Variants in HS6ST3 observed in about 807,000 individuals in gnomAD.
The protein encoded by HS6ST3 is heparan sulfate 6-O-sulfotransferase 3.
Under a neutral mutation model 36.7 loss-of-function variants are expected in HS6ST3, and 12 were observed. The observed-to-expected ratio is 0.33, with a 90% CI of 0.21 to 0.53. The LOEUF (loss-of-function observed/expected upper bound fraction) is 0.53, where lower values mean the gene tolerates loss of function less well. Among genes scored for constraint, HS6ST3 ranks in the 20% least tolerant of loss-of-function variants. HS6ST3 has a pLI of 0.95. For missense variants in HS6ST3, 584 were observed against 640.9 expected (o/e 0.91, Z 0.96); for synonymous variants, 240 against 257.5 (o/e 0.93, Z 0.65).
chr13:96,346,351 G>C (rs1371588341), intron 1 of HS6ST3, among the ~76,000 whole-genome samples: 1 of 152,110 alleles, frequency 6.6e-6, no homozygotes, highest in Non-Finnish European at 1.5e-5. Flanking sequence ...AAGGTGGGCG[G>C]ATCATGAGAT....
chr13:96,808,152 C>T (rs1170252596), intron 1 of HS6ST3, among the ~76,000 whole-genome samples: 2 of 152,100 alleles, frequency 1.3e-5, no homozygotes, highest in African/African-American at 4.8e-5. Context: ...GAGCCTTGGT[C>T]GGAAAAACAG....
In HS6ST3 at chr13:96,112,610, T is replaced by C. The variant is rs1322405595; in HGVS notation, c.707+21041T>C. Among the ~76,000 whole-genome samples the C allele has an allele frequency of 1.2e-3, 122 of 105,398 alleles. 4 individuals are homozygous for C. Among genetic ancestry groups the C allele is most frequent in the Non-Finnish European group, 1.7e-3 (85 of 49,398 alleles). 69.1% of individuals were successfully genotyped at this position (105,398 alleles called of 152,430 possible). A position where few individuals can be genotyped will look rare whatever the true frequency, so the allele number is the denominator to read the frequency against. ...ATATATATATATATATATATATATA[T>C]ATATATATATATGCCCGGCTGGTGG... On this transcript the variant is annotated intron_variant, in intron 1 of 1. Transcript: ENST00000376705.
intron 1 of HS6ST3, among the ~76,000 whole-genome samples, chr13:96,280,123 G>T (rs1189583453): frequency 2.0e-5 from 3 of 152,020 alleles, no homozygotes; most frequent in Non-Finnish European, 4.4e-5. Context: ...TCAACATAAA[G>T]CTTGCTTTGT....
chr13:96,336,505 T>C (rs528086873), intron 1 of HS6ST3, among the ~76,000 whole-genome samples: 1 of 152,276 alleles, frequency 6.6e-6, no homozygotes, highest in Non-Finnish European at 1.5e-5. Context: ...CAATCTAGTC[T>C]GATTGGTGTC....
chr13:96,625,984 C>T (rs2056510898), intron 1 of HS6ST3, among the ~76,000 whole-genome samples: 1 of 148,602 alleles, frequency 6.7e-6, no homozygotes, highest in Non-Finnish European at 1.5e-5. Context: ...CTACAGGCGC[C>T]TGCCACTACG....
intron 1 of HS6ST3, among the ~76,000 whole-genome samples, chr13:96,330,569 T>C (rs1188527301): frequency 1.3e-5 from 2 of 152,114 alleles, no homozygotes; most frequent in Non-Finnish European, 2.9e-5. Flanking sequence ...GTCTGATGGG[T>C]TTCCCTTTGA....
chr13:96,329,428 T>C (rs1166618141), intron 1 of HS6ST3, among the ~76,000 whole-genome samples: 2 of 142,726 alleles, frequency 1.4e-5, no homozygotes, highest in East Asian at 4.1e-4. Flanking sequence ...TCTGCCTTCA[T>C]TTCGTTATGT....
At chr13:96,803,445 T>TA (rs963538486) in intron 1 of HS6ST3, among the ~76,000 whole-genome samples, 1 of 152,190 alleles carries the variant, frequency 6.6e-6, no homozygotes, top group African/African-American at 2.4e-5. Context: ...ATTCCTAACT[T>TA]ACTACCAGGA....
chr13:96,761,145 C>T (rs551020343), intron 1 of HS6ST3, among the ~76,000 whole-genome samples: 2 of 150,334 alleles, frequency 1.3e-5, no homozygotes, highest in South Asian at 2.1e-4. Context: ...GACAGGTCCT[C>T]ACTGTGTTGC....
intron 1 of HS6ST3, among the ~76,000 whole-genome samples, chr13:96,545,363 T>G (rs912604958): frequency 5.9e-5 from 9 of 152,228 alleles, no homozygotes; most frequent in Non-Finnish European, 1.3e-4. Context: ...GACATCCTTC[T>G]ATGACCAACA....
rs887370804 is a variant in HS6ST3 at position 96,090,618 on chromosome 13, G to C, written c.-245G>C. Among the ~76,000 whole-genome samples the C allele has an allele frequency of 4.1e-5, 6 of 145,972 alleles. No homozygotes were observed. Among genetic ancestry groups the C allele is most frequent in the African/African-American group, 1.5e-4 (6 of 40,728 alleles). ...CCGGGCGCACCCGGGAGCGCAGGGC[G>C]CCCCACGCCGCAGCCGCAGCCGAGC... On this transcript the variant is annotated 5_prime_UTR_variant, in exon 1 of 2. Coordinates refer to ENST00000376705, the MANE Select transcript of HS6ST3 (RefSeq NM_153456.4).
chr13:96,301,792 C>T (rs926121813), intron 1 of HS6ST3, among the ~76,000 whole-genome samples: 1 of 151,162 alleles, frequency 6.6e-6, no homozygotes, highest in Non-Finnish European at 1.5e-5. Context: ...TGCCTTTAAT[C>T]CCAGCTACTC....
intron 1 of HS6ST3, among the ~76,000 whole-genome samples, chr13:96,327,855 T>C (rs1472942636): frequency 2.7e-5 from 4 of 149,194 alleles, no homozygotes; most frequent in African/African-American, 9.9e-5. Flanking sequence ...TTTTATTTCC[T>C]TGAGCAGTGG....
intron 1 of HS6ST3, among the ~76,000 whole-genome samples, chr13:96,355,841 CAGT>C (rs1234844461): frequency 9.9e-5 from 15 of 152,260 alleles, no homozygotes; most frequent in African/African-American, 3.6e-4. Flanking sequence ...TTTTTATGCA[CAGT>C]AGAACTTCTT....
At chr13:96,502,934 T>G (rs2056011171) in intron 1 of HS6ST3, among the ~76,000 whole-genome samples, 1 of 152,206 alleles carries the variant, frequency 6.6e-6, no homozygotes, top group Admixed American at 6.5e-5. Context: ...GTGGTCACAC[T>G]GGTGTGCGCT....
At position 96,512,512 on chromosome 13, in the gene HS6ST3, G is replaced by A. The variant is rs112604086; in HGVS notation, c.708-319978G>A. ...GACTACTCCTTAATATCCAGTGTTC[G>A]CATTGAAGAGTATGAAGTATCCATC... On this transcript the variant is annotated intron_variant, in intron 1 of 1. Coordinates refer to ENST00000376705, the MANE Select transcript of HS6ST3 (RefSeq NM_153456.4). Among the ~76,000 whole-genome samples the A allele has an allele frequency of 5.9e-5, 9 of 152,180 alleles. No individual in the cohort carries two copies. The East Asian group carries it at 1.4e-3, about 23-fold the overall frequency.
intron 1 of HS6ST3, among the ~76,000 whole-genome samples, chr13:96,334,206 C>T (rs897436997): frequency 6.6e-6 from 1 of 152,150 alleles, no homozygotes; most frequent in Non-Finnish European, 1.5e-5. Flanking sequence ...TGCCAAGTCT[C>T]GTGTTGAATT....
intron 1 of HS6ST3, among the ~76,000 whole-genome samples, chr13:96,208,357 A>C (rs906132897): frequency 2.6e-5 from 4 of 152,076 alleles, no homozygotes; most frequent in African/African-American, 9.7e-5. Flanking sequence ...GGCTGTGTCT[A>C]AATTTTTGGT....
intron 1 of HS6ST3, among the ~76,000 whole-genome samples, chr13:96,776,881 A>G (rs564401970): frequency 8.3e-4 from 126 of 152,318 alleles, no homozygotes; most frequent in African/African-American, 2.8e-3. Flanking sequence ...TGGCAGAGTC[A>G]CAACAAAAAA....
Sources: gnomAD v4.1 joint callset for allele counts (sites outside exome capture counted in the v4.1 genomes callset) on GRCh38, gnomAD v4.1.1 for gene constraint, MANE v1.5 for transcripts, NCBI Gene and HGNC (gene_info 2026-07-23, HGNC 2026-07-21) for gene names.